Variants in CSMD3 observed in about 807,000 individuals in gnomAD.
CSMD3 encodes CUB and sushi domain-containing protein 3.
CSMD3 carries 177 observed loss-of-function variants against 435.2 expected under a neutral mutation model. The observed-to-expected ratio is 0.41, with a 90% CI of 0.36 to 0.46. The LOEUF (loss-of-function observed/expected upper bound fraction) is 0.46. Among genes scored for constraint, CSMD3 ranks in the 20% least tolerant of loss-of-function variants. The pLI is 0.34. For synonymous variants in CSMD3, 1,656 were observed against 1,520.5 expected, an observed-to-expected ratio of 1.09 and a Z score of -2.07; for missense variants, 4,265 against 4,504.6, an observed-to-expected ratio of 0.95 and a Z score of 1.52.
chr8:112,596,346 G>A (rs1258900775), intron 22 of CSMD3, among the ~76,000 whole-genome samples: 1 of 152,018 alleles, frequency 6.6e-6, no homozygotes, highest in Non-Finnish European at 1.5e-5. Context: ...CCCAATACAG[G>A]AGCACCCAGA....
chr8:112,579,053 CAA>C (rs1830151567), intron 23 of CSMD3, among the ~76,000 whole-genome samples: 1 of 151,948 alleles, frequency 6.6e-6, no homozygotes, highest in African/African-American at 2.4e-5. Context: ...AACTGACAAA[CAA>C]GAGTATTTCC....
intron 24 of CSMD3, among the ~76,000 whole-genome samples, chr8:112,564,665 C>T (rs150938581): frequency 3.8e-4 from 58 of 152,134 alleles, no homozygotes; most frequent in African/African-American, 1.4e-3. Context: ...GCTTCTCCAT[C>T]GATCTCACCT....
At chr8:113,048,717 G>C (rs1288820951) in intron 5 of CSMD3, among the ~76,000 whole-genome samples, 1 of 152,122 alleles carries the variant, frequency 6.6e-6, no homozygotes, top group Non-Finnish European at 1.5e-5. Flanking sequence ...ACAGTATTAA[G>C]ATGACAGCAG....
At chr8:112,269,170 C>T (rs984695579) in intron 59 of CSMD3, among the ~76,000 whole-genome samples, 18 of 152,140 alleles carry the variant, frequency 1.2e-4, no homozygotes, top group Admixed American at 3.3e-4. Flanking sequence ...TTTTTATCTG[C>T]GCTCAGTTTT....
At position 112,829,760 on chromosome 8, in the gene CSMD3, A is replaced by G. The variant is rs1220433154; in HGVS notation, c.1785T>C (p.Asp595=). ...KVIQINFEEF[D]LEIGYDTLTI... ...TCAAGGTATCATAGCCAATCTCCAG[A>G]TCAAATTCTTCAAAATTTATCTGGA... is the stretch of plus-strand genomic sequence containing the variant. The change falls in exon 12 of 71, where the codon GAT becomes GAC. Residue 595 remains aspartate (D), a synonymous_variant. Transcript: ENST00000297405. 1 of 1,612,522 alleles carries G rather than the reference A, an allele frequency of 6.2e-7. No individual in the cohort carries two copies. The highest frequency in any genetic ancestry group is 8.5e-7 in the Non-Finnish European group (1 of 1,178,686).
At chr8:113,197,085 G>C (rs28626751) in intron 3 of CSMD3, among the ~76,000 whole-genome samples, 3,264 of 151,234 alleles carry the variant, frequency 0.022, 126 homozygotes, top group African/African-American at 0.075. Flanking sequence ...TGATTAAATA[G>C]AGTGATAATA....
chr8:112,753,894 G>T (rs541498375), intron 13 of CSMD3, among the ~76,000 whole-genome samples: 12 of 152,136 alleles, frequency 7.9e-5, no homozygotes, highest in African/African-American at 2.9e-4. Flanking sequence ...GAATCATTTT[G>T]TTTTTGTGGT....
At chr8:113,417,300 A>G (rs1482211723) in intron 1 of CSMD3, among the ~76,000 whole-genome samples, 2 of 152,030 alleles carry the variant, frequency 1.3e-5, no homozygotes, top group Non-Finnish European at 1.5e-5. Context: ...GAGTCAAACA[A>G]TGATGTAGAA....
intron 5 of CSMD3, among the ~76,000 whole-genome samples, chr8:113,020,909 A>G (rs1012798645): frequency 9.2e-5 from 14 of 152,182 alleles, no homozygotes; most frequent in African/African-American, 3.4e-4. Flanking sequence ...AATACTCTTC[A>G]TCTTTATCCC....
chr8:112,359,556 A>G (rs1826972529), intron 38 of CSMD3, among the ~76,000 whole-genome samples: 2 of 152,132 alleles, frequency 1.3e-5, no homozygotes, highest in South Asian at 4.1e-4. Context: ...ATTAATGCCT[A>G]ATTATGCAAA....
intron 32 of CSMD3, among the ~76,000 whole-genome samples, chr8:112,419,865 T>C (rs1254744631): frequency 6.6e-6 from 1 of 152,190 alleles, no homozygotes; most frequent in Non-Finnish European, 1.5e-5. Context: ...TAATTTGGTG[T>C]TTAAAAGCAA....
chr8:113,074,571 A>G (rs2089263660), intron 5 of CSMD3, among the ~76,000 whole-genome samples: 1 of 151,934 alleles, frequency 6.6e-6, no homozygotes, highest in African/African-American at 2.4e-5. Flanking sequence ...GGAATTATGT[A>G]TCATATAATC....
chr8:113,371,201 C>T (rs2094344357), intron 1 of CSMD3, among the ~76,000 whole-genome samples: 1 of 151,804 alleles, frequency 6.6e-6, no homozygotes, highest in African/African-American at 2.4e-5. Context: ...TCTTCTCAGT[C>T]GTATTACTTA....
intron 59 of CSMD3, among the ~76,000 whole-genome samples, chr8:112,273,725 C>A (rs75133778): frequency 0.032 from 3,571 of 111,430 alleles, no homozygotes; most frequent in Middle Eastern, 0.05. Flanking sequence ...GACTCTGTCT[C>A]AAAAAAAAAA....
chr8:112,228,878 T>C lies in CSMD3; in HGVS notation c.10842A>G (p.Ser3614=), dbSNP rs1373831660. 3.9e-6 allele frequency: 6 copies of C among 1,532,354 alleles called. No homozygotes were observed. Among genetic ancestry groups the C allele is most frequent in the Non-Finnish European group, 5.4e-6 (6 of 1,107,616 alleles). The allele number at this position is 1,532,354 out of a possible 1,614,324, so 94.9% of individuals were successfully genotyped here. Residue 3614 remains serine, a synonymous_variant, in exon 70 of 71, where the codon TCA becomes TCG. Coordinates refer to ENST00000297405, the MANE Select transcript of CSMD3 (RefSeq NM_198123.2). The part of the protein sequence containing the change: ...FGLQRLGLNM[S]EGSNSSNQPH... ...GTTGATTTGAAGAATTTGAACCTTCTGACATATTCAGTCCTACAAAATAAA... is the reference window on the plus strand; with the variant it reads ...GTTGATTTGAAGAATTTGAACCTTCCGACATATTCAGTCCTACAAAATAAA...
chr8:112,930,815 C>G (rs1224721188), intron 9 of CSMD3, among the ~76,000 whole-genome samples: 1 of 152,002 alleles, frequency 6.6e-6, no homozygotes, highest in African/African-American at 2.4e-5. Flanking sequence ...ACTGTTCAAT[C>G]TTTTATACAC....
chr8:112,424,003 T>G (rs112520421), intron 32 of CSMD3, among the ~76,000 whole-genome samples: 1 of 152,226 alleles, frequency 6.6e-6, no homozygotes, highest in Non-Finnish European at 1.5e-5. Flanking sequence ...TTCATACTTA[T>G]ACACGCAAAT....
At chr8:113,293,941 T>G (rs1311604519) in intron 2 of CSMD3, among the ~76,000 whole-genome samples, 1 of 152,122 alleles carries the variant, frequency 6.6e-6, no homozygotes, top group African/African-American at 2.4e-5. Context: ...ACGGTTTAAG[T>G]GTTATTTTTC....
In CSMD3 at chr8:113,436,678, T is replaced by A. The variant is rs1387869564; in HGVS notation, c.177A>T (p.Lys59Asn). The A allele has an allele frequency of 6.2e-7, 1 of 1,614,078 alleles. No individual in the cohort carries two copies. Reference protein sequence around the residue: ...LVFLLTVSCVKGFIYTCGGTL... With the variant: ...LVFLLTVSCVNGFIYTCGGTL... ...AGGGGACCCCCAAAGCAGACCTACCTTTCACACAAGACACCGTCAATAAAA... is the reference window on the plus strand; with the variant it reads ...AGGGGACCCCCAAAGCAGACCTACCATTCACACAAGACACCGTCAATAAAA... The change falls in exon 1 of 71, where the codon AAA becomes AAT. Residue 59 changes from lysine (K) to asparagine (N), a missense_variant and splice_region_variant. Lys to Asn is a moderately conservative substitution (Grantham distance 94, BLOSUM62 0). This residue lies in a region of CSMD3 where 731 missense variants were observed against 755.4 expected (regional missense o/e 0.97). Coordinates refer to ENST00000297405, the MANE Select transcript of CSMD3 (RefSeq NM_198123.2).
Sources: allele counts gnomAD v4.1 joint callset (sites outside exome capture counted in the v4.1 genomes callset), GRCh38; gene constraint gnomAD v4.1.1; regional missense constraint gnomAD v4.1.1; transcripts MANE v1.5; gene names NCBI Gene and HGNC (gene_info 2026-07-23, HGNC 2026-07-21).